Variants in NEB observed in about 807,000 individuals in gnomAD.
NEB encodes nebulin, also known as nemaline myopathy type 2.
A neutral mutation model predicts 952.2 loss-of-function variants in NEB; 512 were observed. The observed-to-expected ratio is 0.54, with a 90% CI of 0.50 to 0.58. The LOEUF (loss-of-function observed/expected upper bound fraction) is 0.58. NEB is among the 20% of genes least tolerant of loss of function. The pLI, the probability that NEB is intolerant of heterozygous loss-of-function variation, is 0.00. For missense variants in NEB, 8,428 were observed against 9,231.1 expected (o/e 0.91, Z 3.56); for synonymous variants, 2,900 against 3,149.8 (o/e 0.92, Z 2.66).
rs1576206315 is a variant in NEB, at chr2:151,682,704, T to A, written c.2901A>T (p.Leu967Phe). Residue 967 changes from leucine (L) to phenylalanine (F), a missense_variant, in exon 29 of 182, where the codon TTA becomes TTT. Coordinates refer to ENST00000397345, the MANE Select transcript of NEB (RefSeq NM_001164508.2). ...KGCGWVPFGSLEMEKAKRASD... is the reference protein window; with the variant it reads ...KGCGWVPFGSFEMEKAKRASD... ...AAGCTCGCTTTGCCTTTTCCATTTC[T>A]AAGGACCCAAAAGGCACCCAGCCAC... 3 of 1,613,394 alleles carry A rather than the reference T, an allele frequency of 1.9e-6. No individual in the cohort carries two copies. Among genetic ancestry groups the A allele is most frequent in the Non-Finnish European group, 2.5e-6 (3 of 1,179,560 alleles).
chr2:151,518,905 A>G, intron 155 of NEB, 60 bp downstream of exon 155: 4 of 1,178,896 alleles, frequency 3.4e-6, no homozygotes, highest in Non-Finnish European at 5.1e-6. Context: ...CTGGGCTCAG[A>G]AAGAATTTAG....
At chr2:151,501,641 T>C (rs2064660533) in intron 167 of NEB, among the ~76,000 whole-genome samples, 158 bp from the exon 168 acceptor site, 1 of 152,214 alleles carries the variant, frequency 6.6e-6, no homozygotes, top group Non-Finnish European at 1.5e-5. Flanking sequence ...AGATCCCCTT[T>C]GGACATTTAG....
At chr2:151,498,714 A>G (rs2062075302) in intron 169 of NEB, among the ~76,000 whole-genome samples, 1 of 152,190 alleles carries the variant, frequency 6.6e-6, no homozygotes, top group Admixed American at 6.5e-5. Context: ...TGATTTGAAA[A>G]TGCTGTTAAT....
intron 135 of NEB, among the ~76,000 whole-genome samples, chr2:151,545,642 A>G (rs560160030): frequency 2.0e-5 from 3 of 152,250 alleles, no homozygotes. Flanking sequence ...CATCAGCCCT[A>G]GACATAGGAA....
intron 77 of NEB, 53 bp from the exon 78 acceptor site, chr2:151,612,442 G>A (rs1289505066): frequency 6.8e-7 from 1 of 1,479,612 alleles, no homozygotes; most frequent in East Asian, 2.3e-5. Context: ...ACGGCCTGGT[G>A]CCTGATCCTG....
chr2:151,666,034 C>A, intron 41 of NEB, 56 bp downstream of exon 41: 1 of 1,525,880 alleles, frequency 6.6e-7, no homozygotes, highest in South Asian at 1.3e-5. Flanking sequence ...TAAGTGGCTC[C>A]TGTTTTTTCC....
In NEB at chr2:151,663,661, A is replaced by T; in HGVS notation, c.5650T>A (p.Ser1884Thr). Residue 1884 changes from serine (S) to threonine (T), a missense_variant, in exon 45 of 182, where the codon TCT becomes ACT. This residue lies in a region of NEB where 2,851 missense variants were observed against 2,791.5 expected (regional missense o/e 1.02). Transcript: ENST00000397345. ...TTGGCATTGGTGGCCACTTCCTGAG[A>T]CTTCTTGGCTGCCACCACACTGAGC... ...DMLSVVAAKK[S>T]QEVATNANYR... 6.2e-7 allele frequency: 1 copy of T among 1,613,706 alleles called. No individual in the cohort carries two copies. Among genetic ancestry groups the T allele is most frequent in the African/African-American group, 1.3e-5 (1 of 74,998 alleles).
At chr2:151,665,270 C>T (rs2099200634) in intron 42 of NEB, 63 bp downstream of exon 42, 2 of 1,494,532 alleles carry the variant, frequency 1.3e-6, no homozygotes, top group Non-Finnish European at 1.9e-6. Flanking sequence ...TGGGGCACTG[C>T]CAGGCTCAAT....
At chr2:151,500,330 A>G (rs996401074) in intron 168 of NEB, among the ~76,000 whole-genome samples, 6 of 152,172 alleles carry the variant, frequency 3.9e-5, no homozygotes, top group Non-Finnish European at 8.8e-5. Context: ...CCAGAAAAAA[A>G]TCCATCTAAA....
chr2:151,487,344 T>A (rs1489551286), intron 181 of NEB, among the ~76,000 whole-genome samples: 1 of 152,234 alleles, frequency 6.6e-6, no homozygotes, highest in Non-Finnish European at 1.5e-5. Flanking sequence ...GTTAGTAGTT[T>A]TGGATGTAAC....
intron 142 of NEB, among the ~76,000 whole-genome samples, chr2:151,535,224 A>G (rs559331503): frequency 1.3e-5 from 2 of 152,318 alleles, no homozygotes; most frequent in East Asian, 3.9e-4. Context: ...AACAATGGCA[A>G]TATCTTTGAA....
In NEB at chr2:151,655,986, C is replaced by T; in HGVS notation, c.6533G>A (p.Gly2178Glu). 1 of 1,613,656 alleles carries T rather than the reference C, an allele frequency of 6.2e-7. No individual in the cohort carries two copies. Among genetic ancestry groups the T allele is most frequent in the South Asian group, 1.1e-5 (1 of 91,062 alleles). The part of the protein sequence containing the change: ...YKQDYNEWYK[G>E]LGWSPAGSLE... The stretch of plus-strand genomic sequence containing the variant: ...AGAACCTGCTGGACTCCAGCCAAGC[C>T]CTTTGTACCATTCATTGTAATCTTG... The change falls in exon 50 of 182, where the codon GGG becomes GAG. Residue 2178 changes from glycine (G) to glutamate (E), a missense_variant. Gly to Glu is a moderately conservative substitution (Grantham distance 98). Around this residue, in one of 11 missense-constraint regions of NEB, gnomAD observed 2,851 missense variants for 2,791.5 expected, o/e 1.02. Coordinates refer to ENST00000397345, the MANE Select transcript of NEB (RefSeq NM_001164508.2).
intron 52 of NEB, among the ~76,000 whole-genome samples, chr2:151,653,423 C>A (rs528182275): frequency 6.6e-6 from 1 of 152,288 alleles, no homozygotes; most frequent in Non-Finnish European, 1.5e-5. Flanking sequence ...GAGAGTGAAT[C>A]TATGAACTTT....
intron 12 of NEB, among the ~76,000 whole-genome samples, chr2:151,708,861 A>G (rs375506991): frequency 5.3e-5 from 8 of 152,206 alleles, no homozygotes; most frequent in African/African-American, 9.6e-5. Flanking sequence ...GTGTCATCCA[A>G]TCCATCAGCA....
In NEB at chr2:151,663,826, C is replaced by T; in HGVS notation, c.5485G>A (p.Gly1829Arg). 2 of 1,613,756 alleles carry T rather than the reference C, an allele frequency of 1.2e-6. No homozygotes were observed. Among genetic ancestry groups the T allele is most frequent in the Non-Finnish European group, 1.7e-6 (2 of 1,179,752 alleles). ...AGGCTCCGGAAGCCAATGTGTTTCC[C>T]TTTGGCTTGTTCATAGGCTTTCTTG... ...KYKKAYEQAK[G>R]KHIGFRSLED... is the part of the protein sequence containing the mutation. The change falls in exon 45 of 182, where the codon GGG (glycine) becomes AGG (arginine). Residue 1829 changes from glycine to arginine, a missense_variant. Gly to Arg is a moderately radical substitution (Grantham distance 125). Coordinates refer to ENST00000397345, the MANE Select transcript of NEB (RefSeq NM_001164508.2).
chr2:151,551,731 T>C lies in NEB; in HGVS notation c.19944+7A>G, dbSNP rs201751179. 5 of 1,610,704 alleles carry C rather than the reference T, an allele frequency of 3.1e-6. No homozygotes were observed. The East Asian group carries it at 8.9e-5, about 29-fold the overall frequency. On this transcript the variant is annotated splice_region_variant and intron_variant, in intron 129 of 181. Coordinates refer to ENST00000397345, the MANE Select transcript of NEB (RefSeq NM_001164508.2). ...CTGCTGGGCACTCTCAAGTTCTCAC[T>C]GCTCACCGAACTCTGGAGCTTGTAT...
chr2:151,609,977 C>T lies in NEB; in HGVS notation c.12162G>A (p.Trp4054Ter). ...EREYKKEFQK[W>*]KTKFSSPVDM... Reference sequence around the variant, plus strand: ...CCACTGGGCTAGAGAACTTGGTTTTCCACTTTTGGAATTCCTTCTTGTACT... The same window carrying T: ...CCACTGGGCTAGAGAACTTGGTTTTTCACTTTTGGAATTCCTTCTTGTACT... Residue 4054 changes from tryptophan (W) to a stop codon, truncating the protein, a stop_gained, in exon 81 of 182, where the codon TGG becomes TGA. Transcript: ENST00000397345. LOFTEE classifies it high-confidence loss of function. 1.2e-6 allele frequency: 2 copies of T among 1,613,942 alleles called. No individual in the cohort carries two copies. Among genetic ancestry groups the T allele is most frequent in the Non-Finnish European group, 1.7e-6 (2 of 1,179,858 alleles).
At chr2:151,727,625 G>T (rs2099795201) in intron 5 of NEB, 66 bp downstream of exon 5, 1 of 1,472,318 alleles carries the variant, frequency 6.8e-7, no homozygotes, top group Non-Finnish European at 9.3e-7. Flanking sequence ...ATCCAAAACA[G>T]AGTGAGTTGA....
At position 151,485,672 on chromosome 2, in the gene NEB, A is replaced by T; in HGVS notation, c.*88T>A. On this transcript the variant is annotated 3_prime_UTR_variant, in exon 182 of 182. Coordinates refer to ENST00000397345, the MANE Select transcript of NEB (RefSeq NM_001164508.2). ...ACACAGAAAAACCATAGGCAGCTTG[A>T]GAACTTAGGTAACAGTGGAGAGTCT... 2 of 1,287,498 alleles carry T rather than the reference A, an allele frequency of 1.6e-6. No individual in the cohort carries two copies. Among genetic ancestry groups the T allele is most frequent in the Non-Finnish European group, 2.1e-6 (2 of 944,166 alleles). 79.8% of individuals were successfully genotyped at this position (1,287,498 alleles called of 1,614,324 possible).
Sources: gnomAD v4.1 joint callset for allele counts (sites outside exome capture counted in the v4.1 genomes callset) on GRCh38, gnomAD v4.1.1 for gene constraint, gnomAD v4.1.1 regional missense constraint, MANE v1.5 for transcripts, NCBI Gene and HGNC (gene_info 2026-07-23, HGNC 2026-07-21) for gene names.